The following CCSER1 variants were observed in gnomAD, a reference collection of about 807,000 sequenced individuals.
CCSER1 encodes the protein coiled-coil serine rich protein 1.
A neutral mutation model predicts 82.0 loss-of-function variants in CCSER1; 41 were observed. The ratio of observed to expected loss-of-function variants is 0.50; its 90% CI spans 0.39 to 0.65. The LOEUF (loss-of-function observed/expected upper bound fraction) is 0.65, where lower values mean the gene tolerates loss of function less well. Ranked by LOEUF, CCSER1 falls within the 30% of genes least tolerant of loss-of-function variation. The pLI is 0.00. For missense variants in CCSER1, 1,119 were observed against 1,064.2 expected (o/e 1.05, Z -0.72); for synonymous variants, 414 against 383.9 (o/e 1.08, Z -0.92).
rs187363949 is a variant in CCSER1 at position 91,286,609 on chromosome 4, T to A, written c.2217+200615T>A. ...GAGATCTTTAACATTTGGATAAAAT[T>A]TGGCAAAGATGTGACCCATAGATTA... is the stretch of plus-strand genomic sequence containing the variant. On this transcript the variant is annotated intron_variant, in intron 10 of 10. Transcript: ENST00000509176. Among the ~76,000 whole-genome samples, 276 of 151,948 alleles carry A rather than the reference T, an allele frequency of 1.8e-3. 2 individuals carry two copies. Among genetic ancestry groups the A allele is most frequent in the African/African-American group, 6.2e-3 (258 of 41,546 alleles).
At chr4:90,808,240 G>C (rs7678733) in intron 7 of CCSER1, among the ~76,000 whole-genome samples, 51,728 of 151,822 alleles carry the variant, frequency 0.34, 9,018 homozygotes, top group East Asian at 0.42. Flanking sequence ...AAAAATTAAC[G>C]GAAGATGGAT....
intron 1 of CCSER1, among the ~76,000 whole-genome samples, chr4:90,281,569 T>C (rs1200825123): frequency 6.6e-6 from 1 of 151,996 alleles, no homozygotes; most frequent in Non-Finnish European, 1.5e-5. Flanking sequence ...TCCCAGCCTG[T>C]CCAGGCCCAG....
intron 6 of CCSER1, chr4:90,693,559 G>C (rs773664351): frequency 3.9e-5 from 6 of 151,920 alleles, no homozygotes; most frequent in Non-Finnish European, 8.8e-5. Flanking sequence ...ATAAAAGGTG[G>C]AATAAGCTTG....
chr4:91,527,709 T>A (rs1760833625), intron 10 of CCSER1, among the ~76,000 whole-genome samples: 1 of 152,048 alleles, frequency 6.6e-6, no homozygotes, highest in Non-Finnish European at 1.5e-5. Context: ...TCAAGTATGT[T>A]TAGTATGAGG....
At chr4:90,293,992 A>C (rs1731392571) in intron 1 of CCSER1, among the ~76,000 whole-genome samples, 1 of 152,020 alleles carries the variant, frequency 6.6e-6, no homozygotes, top group Non-Finnish European at 1.5e-5. Flanking sequence ...ATTGTGAAAA[A>C]CCTGGAGTGA....
chr4:91,051,993 C>G lies in CCSER1; in HGVS notation c.2173-33957C>G, dbSNP rs901838725. Among the ~76,000 whole-genome samples, 3 of 152,010 alleles carry G rather than the reference C, an allele frequency of 2.0e-5. No homozygotes were observed. The Middle Eastern group carries it at 0.01, about 517-fold the overall frequency. On this transcript the variant is annotated intron_variant, in intron 9 of 10. Transcript: ENST00000509176. ...CAGTAAGCTCAAAGGAAAAGACATG[C>G]AATTGTATTTTCTTCATGCTTTATC...
At chr4:91,297,411 GTGTGT>G in intron 10 of CCSER1, among the ~76,000 whole-genome samples, 1 of 150,456 alleles carries the variant, frequency 6.6e-6, no homozygotes, top group East Asian at 2.0e-4. Flanking sequence ...GTGTGTGTGT[GTGTGT>G]GTGTGTGTTA....
chr4:90,917,120 A>AT (rs1399733514), intron 8 of CCSER1, among the ~76,000 whole-genome samples: 9 of 152,184 alleles, frequency 5.9e-5, no homozygotes, highest in Non-Finnish European at 1.2e-4. Flanking sequence ...TTCCTCAGGG[A>AT]TCTAGAACTA....
intron 9 of CCSER1, among the ~76,000 whole-genome samples, chr4:91,032,430 G>A (rs74946137): frequency 3.3e-5 from 5 of 152,162 alleles, no homozygotes; most frequent in African/African-American, 4.8e-5. Context: ...AGGAAACGAT[G>A]TACATCACAG....
chr4:91,524,391 A>G (rs1760665961), intron 10 of CCSER1, among the ~76,000 whole-genome samples: 1 of 152,172 alleles, frequency 6.6e-6, no homozygotes, highest in African/African-American at 2.4e-5. Flanking sequence ...AAAGGAAAGC[A>G]GATTTTTCAG....
chr4:90,933,011 A>AGT, intron 9 of CCSER1, among the ~76,000 whole-genome samples: 1 of 53,936 alleles, frequency 1.9e-5, no homozygotes, highest in Admixed American at 1.9e-4. Flanking sequence ...AAAGAAAGAA[A>AGT]GAAAGAAAGA....
rs141370649 is a variant in CCSER1, at chr4:90,733,016, C to T, written c.2010+9025C>T. On this transcript the variant is annotated intron_variant, in intron 7 of 10. Coordinates refer to ENST00000509176, the MANE Select transcript of CCSER1 (RefSeq NM_001145065.2). The stretch of plus-strand genomic sequence containing the variant: ...TGGGAGTGCAGATATCTCTTCAATA[C>T]ACTAATTTCCCTTCTTTTGGGAATA... Among the ~76,000 whole-genome samples, 238 of 152,314 alleles carry T rather than the reference C, an allele frequency of 1.6e-3. 1 individual carries two copies. The highest frequency in any genetic ancestry group is 2.7e-3 in the Admixed American group (42 of 15,296).
At chr4:91,085,048 A>G (rs1324945208) in intron 9 of CCSER1, among the ~76,000 whole-genome samples, 1 of 151,978 alleles carries the variant, frequency 6.6e-6, no homozygotes, top group African/African-American at 2.4e-5. Context: ...TCTTAAATTC[A>G]AATTCCTAAA....
chr4:90,283,909 T>G (rs1729346447), intron 1 of CCSER1, among the ~76,000 whole-genome samples: 1 of 152,088 alleles, frequency 6.6e-6, no homozygotes, highest in African/African-American at 2.4e-5. Context: ...CTCCATAATA[T>G]TCTCCACAGT....
chr4:90,281,525 T>G (rs1341715166), intron 1 of CCSER1, among the ~76,000 whole-genome samples: 1 of 152,044 alleles, frequency 6.6e-6, no homozygotes. Context: ...ATTTTATATA[T>G]TCTGTAAAGA....
At chr4:91,296,490 A>G (rs1390006580) in intron 10 of CCSER1, among the ~76,000 whole-genome samples, 5 of 108,468 alleles carry the variant, frequency 4.6e-5, no homozygotes, top group African/African-American at 2.4e-4. Context: ...TATATATTTT[A>G]ATTAAATATA....
At chr4:91,503,647 G>GTA (rs1759338446) in intron 10 of CCSER1, among the ~76,000 whole-genome samples, 18 of 151,972 alleles carry the variant, frequency 1.2e-4, no homozygotes, top group Admixed American at 1.2e-3. Flanking sequence ...CATAAGCCCG[G>GTA]AACACAAAGG....
intron 1 of CCSER1, among the ~76,000 whole-genome samples, chr4:90,236,309 T>C (rs1185697566): frequency 6.6e-6 from 1 of 152,142 alleles, no homozygotes; most frequent in Non-Finnish European, 1.5e-5. Context: ...CAAAAGCCTG[T>C]TTGAACTTTT....
chr4:90,734,318 G>A (rs955570960), intron 7 of CCSER1, among the ~76,000 whole-genome samples: 3 of 151,836 alleles, frequency 2.0e-5, no homozygotes, highest in African/African-American at 4.8e-5. Context: ...GTAGAGACGG[G>A]GTTTCACTGC....
Sources: gnomAD v4.1 joint callset for allele counts (sites outside exome capture counted in the v4.1 genomes callset) on GRCh38, gnomAD v4.1.1 for gene constraint, MANE v1.5 for transcripts, NCBI Gene and HGNC (gene_info 2026-07-23, HGNC 2026-07-21) for gene names.